CSNK2A2IP: variants seen among roughly 807,000 people sequenced by gnomAD.
The protein encoded by CSNK2A2IP is casein kinase II subunit alpha'-interacting protein.
At chr3:88,341,806 G>A in the CSNK2A2IP span, among the ~76,000 whole-genome samples, 1 of 151,922 alleles carries the variant, frequency 6.6e-6, no homozygotes, top group Non-Finnish European at 1.5e-5. Flanking sequence ...TTTCTGAAAA[G>A]TAACTAGTTG....
chr3:88,355,852 A>G, the CSNK2A2IP span, among the ~76,000 whole-genome samples: 3 of 152,090 alleles, frequency 2.0e-5, no homozygotes, highest in South Asian at 2.1e-4. Context: ...GTGATTTCTG[A>G]TGTTGGAGGA....
the CSNK2A2IP span, among the ~76,000 whole-genome samples, chr3:88,417,004 T>C: frequency 2.6e-5 from 4 of 151,400 alleles, no homozygotes; most frequent in African/African-American, 9.7e-5. Context: ...TTATATATAT[T>C]ATTCAATATA....
At chr3:88,461,626 A>G in the CSNK2A2IP span, among the ~76,000 whole-genome samples, 1 of 152,220 alleles carries the variant, frequency 6.6e-6, no homozygotes, top group East Asian at 1.9e-4. Flanking sequence ...GTATCAACTT[A>G]ACATTTTCAC....
At chr3:88,338,823 T>G in the CSNK2A2IP span, among the ~76,000 whole-genome samples, 1 of 152,178 alleles carries the variant, frequency 6.6e-6, no homozygotes, top group African/African-American at 2.4e-5. Flanking sequence ...GAATAAACTT[T>G]TGTTCAGATA....
the CSNK2A2IP span, among the ~76,000 whole-genome samples, chr3:88,411,491 C>A: frequency 1.1e-4 from 16 of 151,770 alleles, no homozygotes; most frequent in Admixed American, 9.2e-4. Flanking sequence ...AAGTTTATTG[C>A]ATTAAATATA....
At chr3:88,397,222 T>G in the CSNK2A2IP span, among the ~76,000 whole-genome samples, 7 of 152,304 alleles carry the variant, frequency 4.6e-5, no homozygotes, top group Non-Finnish European at 8.8e-5. Context: ...CTCTCAATTC[T>G]TGTTCTTCCT....
chr3:88,342,171 C>T, the CSNK2A2IP span, among the ~76,000 whole-genome samples: 3 of 151,830 alleles, frequency 2.0e-5, no homozygotes, highest in Non-Finnish European at 4.4e-5. Flanking sequence ...CTTCAGAGTT[C>T]GGTATGACTA....
the CSNK2A2IP span, among the ~76,000 whole-genome samples, chr3:88,422,517 C>T: frequency 6.6e-6 from 1 of 152,104 alleles, no homozygotes; most frequent in Non-Finnish European, 1.5e-5. Flanking sequence ...CACTTGTGGT[C>T]CAAAACAATT....
the CSNK2A2IP span, among the ~76,000 whole-genome samples, chr3:88,430,810 G>C: frequency 6.6e-6 from 1 of 152,024 alleles, no homozygotes; most frequent in Non-Finnish European, 1.5e-5. Flanking sequence ...ACACCACCCT[G>C]CACCCTTCCT....
At chr3:88,386,147 G>A in the CSNK2A2IP span, among the ~76,000 whole-genome samples, 2 of 150,902 alleles carry the variant, frequency 1.3e-5, no homozygotes, top group African/African-American at 2.4e-5. Context: ...TTTTTGAGAT[G>A]GAGTTTCACT....
At chr3:88,367,118 G>A in the CSNK2A2IP span, among the ~76,000 whole-genome samples, 3 of 152,066 alleles carry the variant, frequency 2.0e-5, no homozygotes, top group African/African-American at 7.2e-5. Flanking sequence ...AACCATATCA[G>A]GGCATAATCA....
the CSNK2A2IP span, among the ~76,000 whole-genome samples, chr3:88,372,325 A>G: frequency 1.3e-5 from 2 of 151,622 alleles, no homozygotes; most frequent in East Asian, 3.9e-4. Context: ...CACCAATCTA[A>G]CATTATATAT....
chr3:88,439,870 C>T, the CSNK2A2IP span, among the ~76,000 whole-genome samples: 4 of 152,114 alleles, frequency 2.6e-5, no homozygotes, highest in African/African-American at 7.2e-5. Context: ...AGCTGACCTC[C>T]GGTTTACACA....
the CSNK2A2IP span, among the ~76,000 whole-genome samples, chr3:88,413,816 A>G: frequency 6.6e-6 from 1 of 152,028 alleles, no homozygotes; most frequent in African/African-American, 2.4e-5. Flanking sequence ...TAATAATGCA[A>G]AACCCCAACA....
At chr3:88,418,315 A>C in the CSNK2A2IP span, among the ~76,000 whole-genome samples, 2 of 152,048 alleles carry the variant, frequency 1.3e-5, no homozygotes, top group African/African-American at 4.8e-5. Context: ...TGCAGTGAAC[A>C]TATTGCATGC....
the CSNK2A2IP span, among the ~76,000 whole-genome samples, chr3:88,422,210 A>G: frequency 6.6e-6 from 1 of 152,214 alleles, no homozygotes; most frequent in Non-Finnish European, 1.5e-5. Flanking sequence ...AAAATAATGC[A>G]TTTAAATTCC....
the CSNK2A2IP span, among the ~76,000 whole-genome samples, chr3:88,344,070 G>A: frequency 1.3e-5 from 2 of 151,980 alleles, no homozygotes; most frequent in Admixed American, 6.6e-5. Flanking sequence ...TAAAAACTTT[G>A]TGGTAGAATT....
At chr3:88,399,681 A>C in the CSNK2A2IP span, 48 of 152,330 alleles carry the variant, frequency 3.2e-4, no homozygotes, top group African/African-American at 1.1e-3. Context: ...CGCAAACTAA[A>C]GACAGCGAGC....
At chr3:88,460,988 G>C in the CSNK2A2IP span, among the ~76,000 whole-genome samples, 1 of 151,984 alleles carries the variant, frequency 6.6e-6, no homozygotes, top group Non-Finnish European at 1.5e-5. Context: ...TTGGGAGGCT[G>C]AGGCAGGAGA....
Sources: gnomAD v4.1 joint callset for allele counts (sites outside exome capture counted in the v4.1 genomes callset) on GRCh38, gnomAD v4.1.1 for gene constraint, MANE v1.5 for transcripts, NCBI Gene and HGNC (gene_info 2026-07-23, HGNC 2026-07-21) for gene names.